Variants in SGIP1 observed in about 807,000 individuals in gnomAD.
SGIP1 encodes SH3-containing GRB2-like protein 3-interacting protein 1.
Under a neutral mutation model 107.5 loss-of-function variants are expected in SGIP1, and 38 were observed. The ratio of observed to expected loss-of-function variants is 0.35; its 90% CI spans 0.27 to 0.46. SGIP1 has a LOEUF of 0.46. SGIP1 is among the 20% of genes least tolerant of loss of function. The pLI is 1.00. For missense variants in SGIP1, 929 were observed against 1,019.5 expected (o/e 0.91, Z 1.21); for synonymous variants, 365 against 366.1 (o/e 1.00, Z 0.03).
intron 1 of SGIP1, among the ~76,000 whole-genome samples, chr1:66,574,426 T>C (rs1165729353): frequency 6.6e-6 from 1 of 152,160 alleles, no homozygotes; most frequent in Non-Finnish European, 1.5e-5. Flanking sequence ...GGTGCTTATC[T>C]CCAACTCTTT....
At chr1:66,551,586 TA>T (rs1230967536) in intron 1 of SGIP1, among the ~76,000 whole-genome samples, 4 of 152,182 alleles carry the variant, frequency 2.6e-5, no homozygotes, top group Admixed American at 6.5e-5. Context: ...CAACTCTCAA[TA>T]ACTATAATAA....
chr1:66,580,269 A>T (rs1384489538), intron 1 of SGIP1, among the ~76,000 whole-genome samples: 1 of 152,034 alleles, frequency 6.6e-6, no homozygotes. Flanking sequence ...TCCAGTTTCC[A>T]CTTCTGCTTC....
chr1:66,559,856 A>G (rs544197373), intron 1 of SGIP1, among the ~76,000 whole-genome samples: 5 of 152,224 alleles, frequency 3.3e-5, no homozygotes, highest in African/African-American at 1.2e-4. Flanking sequence ...GAAGATAATC[A>G]GAGTCCACTT....
At chr1:66,651,972 G>T (rs2078847494) in intron 7 of SGIP1, among the ~76,000 whole-genome samples, 1 of 152,146 alleles carries the variant, frequency 6.6e-6, no homozygotes, top group South Asian at 2.1e-4. Context: ...GCCCAGTCAT[G>T]ATCAAAAGGA....
intron 18 of SGIP1, among the ~76,000 whole-genome samples, chr1:66,702,431 A>G (rs2092027394): frequency 6.6e-6 from 1 of 152,220 alleles, no homozygotes; most frequent in East Asian, 1.9e-4. Context: ...CATTTTTAAA[A>G]TGGAAAGCAT....
chr1:66,543,808 C>T (rs1387802818), intron 1 of SGIP1, among the ~76,000 whole-genome samples: 1 of 152,144 alleles, frequency 6.6e-6, no homozygotes, highest in African/African-American at 2.4e-5. Flanking sequence ...GAGAATAATG[C>T]TGGCTACCTA....
At chr1:66,713,594 T>C (rs150138870) in intron 18 of SGIP1, among the ~76,000 whole-genome samples, 1 of 152,256 alleles carries the variant, frequency 6.6e-6, no homozygotes, top group East Asian at 1.9e-4. Flanking sequence ...TAAACTGTTC[T>C]CTAACTTCAT....
chr1:66,577,629 T>A (rs2061247631), intron 1 of SGIP1, among the ~76,000 whole-genome samples: 1 of 152,198 alleles, frequency 6.6e-6, no homozygotes, highest in East Asian at 1.9e-4. Flanking sequence ...TTCTTTCTTG[T>A]AAGCATGATT....
chr1:66,591,539 C>G (rs892070119), intron 1 of SGIP1, among the ~76,000 whole-genome samples: 34 of 152,172 alleles, frequency 2.2e-4, no homozygotes, highest in Middle Eastern at 6.3e-3. Context: ...GCACAGCCTC[C>G]CCCATTATCA....
At chr1:66,721,044 G>A (rs921704563) in intron 19 of SGIP1, among the ~76,000 whole-genome samples, 1 of 152,072 alleles carries the variant, frequency 6.6e-6, no homozygotes, top group Non-Finnish European at 1.5e-5. Context: ...ACAACATCTA[G>A]GTTTCATTCT....
chr1:66,724,935 A>G (rs1308917251), intron 19 of SGIP1, among the ~76,000 whole-genome samples: 3 of 152,200 alleles, frequency 2.0e-5, no homozygotes, highest in Non-Finnish European at 2.9e-5. Flanking sequence ...TTGTTTTCTA[A>G]TAGCTGCCAA....
At chr1:66,701,938 T>A (rs1234298218) in intron 18 of SGIP1, among the ~76,000 whole-genome samples, 1 of 152,218 alleles carries the variant, frequency 6.6e-6, no homozygotes, top group Non-Finnish European at 1.5e-5. Context: ...AGCAGGTGTG[T>A]TACCTTCTAT....
At chr1:66,695,271 A>AAAAAAAAAAAAAAAT in intron 17 of SGIP1, 163 bp from the exon 18 acceptor site, 2 of 1,325,968 alleles carry the variant, frequency 1.5e-6, no homozygotes, top group East Asian at 2.9e-5. Flanking sequence ...AAAAAAAAAA[A>AAAAAAAAAAAAAAAT]GTGTAGATTG....
At chr1:66,563,334 T>G (rs185524875) in intron 1 of SGIP1, among the ~76,000 whole-genome samples, 74 of 152,086 alleles carry the variant, frequency 4.9e-4, no homozygotes, top group Admixed American at 1.4e-3. Flanking sequence ...CCGGGTTATT[T>G]GGAGGAACAT....
Position 66,688,252 on chromosome 1 carries a change from G to A in SGIP1, c.1316-896G>A, listed in dbSNP as rs181962861. On this transcript the variant is annotated intron_variant, in intron 15 of 24. Transcript: ENST00000371037. ...AGTCAGAACTTTTCTGAACAAGAAC[G>A]GTTTGAACGTTGATTTGACTTTTTA... 8.5e-5 allele frequency among the ~76,000 whole-genome samples: 13 copies of A among 152,252 alleles called. No individual in the cohort carries two copies. The East Asian group carries it at 1.7e-3, about 20-fold the overall frequency.
Position 66,684,432 on chromosome 1 carries a change from G to A in SGIP1, c.1315+2063G>A, listed in dbSNP as rs560487508. Among the ~76,000 whole-genome samples, 3 of 152,232 alleles carry A rather than the reference G, an allele frequency of 2.0e-5. No individual in the cohort carries two copies. The South Asian group carries it at 6.2e-4, about 32-fold the overall frequency. On this transcript the variant is annotated intron_variant, in intron 15 of 24. Coordinates refer to ENST00000371037, the MANE Select transcript of SGIP1 (RefSeq NM_032291.4). ...TTTCAGGTCTTTGAGGGGATACAAA[G>A]CTCCTTATCTACCTGTAAAGATAAT...
At chr1:66,649,488 T>G (rs1337194592) in intron 7 of SGIP1, among the ~76,000 whole-genome samples, 2 of 152,160 alleles carry the variant, frequency 1.3e-5, no homozygotes, top group Admixed American at 1.3e-4. Context: ...CATGGTCATC[T>G]CTTTCTGCTA....
chr1:66,540,877 T>G (rs905340146), intron 1 of SGIP1, among the ~76,000 whole-genome samples: 1 of 152,196 alleles, frequency 6.6e-6, no homozygotes, highest in East Asian at 1.9e-4. Context: ...AGATAATTGA[T>G]GTGCCATACC....
intron 1 of SGIP1, among the ~76,000 whole-genome samples, chr1:66,569,847 A>G (rs376991541): frequency 1.3e-5 from 2 of 151,858 alleles, no homozygotes; most frequent in East Asian, 3.9e-4. Context: ...GAATCCATCC[A>G]GGCCTGGTGC....
Sources: allele counts gnomAD v4.1 joint callset (sites outside exome capture counted in the v4.1 genomes callset), GRCh38; gene constraint gnomAD v4.1.1; transcripts MANE v1.5; gene names NCBI Gene and HGNC (gene_info 2026-07-23, HGNC 2026-07-21).